CAMKMT: variants seen among roughly 807,000 people sequenced by gnomAD.
The protein encoded by CAMKMT is CaM KMT.
A neutral mutation model predicts 48.0 loss-of-function variants in CAMKMT; 53 were observed. The observed-to-expected ratio is 1.10, with a 90% CI of 0.89 to 1.39. The LOEUF is 1.39. Ranked by LOEUF, CAMKMT falls within the 40% of genes most tolerant of loss-of-function variation. CAMKMT has a pLI of 0.00. For synonymous variants in CAMKMT, 165 were observed against 152.3 expected (o/e 1.08, Z -0.61); for missense variants, 428 against 402.7 (o/e 1.06, Z -0.54).
At chr2:44,647,060 A>C (rs1199451393) in intron 3 of CAMKMT, among the ~76,000 whole-genome samples, 2 of 152,132 alleles carry the variant, frequency 1.3e-5, no homozygotes, top group East Asian at 3.9e-4. Flanking sequence ...GCACTTTGGG[A>C]GGCCGAGGCG....
At chr2:44,468,579 G>C (rs189806282) in intron 3 of CAMKMT, among the ~76,000 whole-genome samples, 177 of 152,280 alleles carry the variant, frequency 1.2e-3, no homozygotes, top group Non-Finnish European at 1.9e-3. Flanking sequence ...GTTCATAGTA[G>C]CCAAGATATG....
intron 3 of CAMKMT, among the ~76,000 whole-genome samples, chr2:44,621,451 T>C (rs1357228456): frequency 2.0e-5 from 3 of 152,088 alleles, no homozygotes; most frequent in Non-Finnish European, 4.4e-5. Context: ...TTGGATGGCC[T>C]GGCAGGCTTC....
At chr2:44,601,966 T>G (rs1032365454) in intron 3 of CAMKMT, among the ~76,000 whole-genome samples, 1 of 152,066 alleles carries the variant, frequency 6.6e-6, no homozygotes, top group Non-Finnish European at 1.5e-5. Context: ...TGATACCATA[T>G]TGCATATGCT....
chr2:44,592,425 G>T (rs1449895104), intron 3 of CAMKMT, among the ~76,000 whole-genome samples: 1 of 151,924 alleles, frequency 6.6e-6, no homozygotes, highest in African/African-American at 2.4e-5. Context: ...CTATAGTGAT[G>T]CCATCTTTCT....
In CAMKMT at chr2:44,603,464, A is replaced by T. The variant is rs1167794819; in HGVS notation, c.377-100819A>T. On this transcript the variant is annotated intron_variant, in intron 3 of 10. Coordinates refer to ENST00000378494, the MANE Select transcript of CAMKMT (RefSeq NM_024766.5). ...TTATTAATATAACTGGATCAGCTATATATTGCCACACAACAAAATACCCCA... is the reference window on the plus strand; with the variant it reads ...TTATTAATATAACTGGATCAGCTATTTATTGCCACACAACAAAATACCCCA... Among the ~76,000 whole-genome samples, 3 of 152,352 alleles carry T rather than the reference A, an allele frequency of 2.0e-5. No individual in the cohort carries two copies. The South Asian group carries it at 6.2e-4, about 32-fold the overall frequency.
chr2:44,592,765 A>G lies in CAMKMT; in HGVS notation c.377-111518A>G, dbSNP rs1275669759. Among the ~76,000 whole-genome samples, 6 of 152,276 alleles carry G rather than the reference A, an allele frequency of 3.9e-5. 1 individual carries two copies. The highest frequency in any genetic ancestry group is 3.3e-4 in the Admixed American group (5 of 15,290). Reference sequence around the variant, plus strand: ...TATCCCCCAAGGATAAGGGAGGACTACTGTACTTTGTGATCAGAGAACATA... The same window carrying G: ...TATCCCCCAAGGATAAGGGAGGACTGCTGTACTTTGTGATCAGAGAACATA... On this transcript the variant is annotated intron_variant, in intron 3 of 10. Coordinates refer to ENST00000378494, the MANE Select transcript of CAMKMT (RefSeq NM_024766.5).
chr2:44,397,950 T>G (rs1387799026), intron 3 of CAMKMT, among the ~76,000 whole-genome samples: 1 of 152,192 alleles, frequency 6.6e-6, no homozygotes, highest in Admixed American at 6.5e-5. Flanking sequence ...CTTTTAAATA[T>G]CTAAAGGGAT....
At chr2:44,751,116 G>C (rs1680134996) in intron 8 of CAMKMT, among the ~76,000 whole-genome samples, 1 of 152,154 alleles carries the variant, frequency 6.6e-6, no homozygotes, top group African/African-American at 2.4e-5. Context: ...GGACCTGGGA[G>C]AACCTCCAAA....
intron 3 of CAMKMT, among the ~76,000 whole-genome samples, chr2:44,404,352 T>C (rs1206105887): frequency 6.6e-6 from 1 of 152,156 alleles, no homozygotes; most frequent in East Asian, 1.9e-4. Context: ...TGTGTACATA[T>C]GTATGCATTT....
At chr2:44,538,450 G>T (rs1414203903) in intron 3 of CAMKMT, among the ~76,000 whole-genome samples, 1 of 151,976 alleles carries the variant, frequency 6.6e-6, no homozygotes, top group African/African-American at 2.4e-5. Context: ...GCCATAAAAA[G>T]GAATGAAATA....
At chr2:44,536,680 A>T (rs1666791172) in intron 3 of CAMKMT, among the ~76,000 whole-genome samples, 1 of 152,116 alleles carries the variant, frequency 6.6e-6, no homozygotes, top group Admixed American at 6.6e-5. Flanking sequence ...ATTTGTATGG[A>T]ACCAAAAAAG....
intron 9 of CAMKMT, among the ~76,000 whole-genome samples, chr2:44,757,837 G>C (rs910409753): frequency 6.6e-6 from 1 of 152,192 alleles, no homozygotes; most frequent in Non-Finnish European, 1.5e-5. Flanking sequence ...CTACCAAAGT[G>C]CTGGGATTAC....
chr2:44,677,960 G>A (rs531287299), intron 3 of CAMKMT, among the ~76,000 whole-genome samples: 1 of 152,016 alleles, frequency 6.6e-6, no homozygotes, highest in South Asian at 2.1e-4. Flanking sequence ...ACAATTAGAG[G>A]ATGTATAAAG....
chr2:44,478,833 C>T (rs1283075488), intron 3 of CAMKMT, among the ~76,000 whole-genome samples: 2 of 151,738 alleles, frequency 1.3e-5, no homozygotes, highest in East Asian at 1.9e-4. Context: ...CCCGAGTAGC[C>T]GGGACTACAG....
At position 44,677,829 on chromosome 2, in the gene CAMKMT, G is replaced by GGT. The variant is rs371456973; in HGVS notation, c.377-26439_377-26438dup. On this transcript the variant is annotated intron_variant, in intron 3 of 10. Coordinates refer to ENST00000378494, the MANE Select transcript of CAMKMT (RefSeq NM_024766.5). ...TCCATTCCAATCTCCTTGCTCTTGGGGTGTGTGTGTGTGTGTAAAATGTCT... is the reference window on the plus strand; with the variant it reads ...TCCATTCCAATCTCCTTGCTCTTGGGGTGTGTGTGTGTGTGTGTAAAATGTCT... 4.9e-3 allele frequency among the ~76,000 whole-genome samples: 736 copies of GGT among 151,582 alleles called. 5 individuals are homozygous for GGT. The highest frequency in any genetic ancestry group is 0.017 in the African/African-American group (692 of 41,348).
chr2:44,688,857 T>C (rs1368534395), intron 3 of CAMKMT, among the ~76,000 whole-genome samples: 1 of 152,168 alleles, frequency 6.6e-6, no homozygotes, highest in Non-Finnish European at 1.5e-5. Flanking sequence ...CCAGGACTGT[T>C]TAATGAATGT....
At chr2:44,662,321 G>A (rs193262830) in intron 3 of CAMKMT, among the ~76,000 whole-genome samples, 2 of 152,280 alleles carry the variant, frequency 1.3e-5, no homozygotes, top group African/African-American at 4.8e-5. Context: ...GATATTGAAC[G>A]ACTATAAGAG....
At chr2:44,651,238 C>T (rs1674045276) in intron 3 of CAMKMT, among the ~76,000 whole-genome samples, 1 of 152,172 alleles carries the variant, frequency 6.6e-6, no homozygotes, top group Non-Finnish European at 1.5e-5. Flanking sequence ...AATTGCAGAA[C>T]CATTTGTAAT....
At chr2:44,499,877 T>C (rs1333991245) in intron 3 of CAMKMT, among the ~76,000 whole-genome samples, 1 of 152,222 alleles carries the variant, frequency 6.6e-6, no homozygotes, top group Non-Finnish European at 1.5e-5. Context: ...AGTCTTTCCA[T>C]GTTTCATTCA....
Sources: gnomAD v4.1 joint callset for allele counts (sites outside exome capture counted in the v4.1 genomes callset) on GRCh38, gnomAD v4.1.1 for gene constraint, MANE v1.5 for transcripts, NCBI Gene and HGNC (gene_info 2026-07-23, HGNC 2026-07-21) for gene names.